NAV3: variants seen among roughly 807,000 people sequenced by gnomAD.
NAV3 encodes pore membrane and/or filament interacting like protein 1.
NAV3 carries 87 observed loss-of-function variants against 244.7 expected under a neutral mutation model. The ratio of observed to expected loss-of-function variants is 0.36; its 90% CI spans 0.30 to 0.42. The LOEUF is 0.42. NAV3 is among the 20% of genes least tolerant of loss of function. The pLI is 1.00. For missense variants in NAV3, 2,663 were observed against 2,893.3 expected, an observed-to-expected ratio of 0.92 and a Z score of 1.83; for synonymous variants, 1,126 against 1,042.2, an observed-to-expected ratio of 1.08 and a Z score of -1.55.
At chr12:77,579,872 C>T (rs988428488) in intron 2 of NAV3, among the ~76,000 whole-genome samples, 1 of 152,192 alleles carries the variant, frequency 6.6e-6, no homozygotes, top group African/African-American at 2.4e-5. Context: ...AATTACTCAA[C>T]TTCTGTCTTC....
intron 2 of NAV3, among the ~76,000 whole-genome samples, chr12:77,655,577 C>T (rs1428039975): frequency 3.9e-5 from 6 of 151,930 alleles, no homozygotes; most frequent in African/African-American, 9.7e-5. Flanking sequence ...CAAGGCAGGC[C>T]AACATTCAGA....
chr12:78,198,504 G>A (rs1959233150), intron 35 of NAV3, 101 bp from the exon 36 acceptor site: 3 of 616,964 alleles, frequency 4.9e-6, no homozygotes, highest in African/African-American at 3.9e-5. Flanking sequence ...ATATTGAAAT[G>A]GAATAATCCA....
chr12:78,202,850 G>A (rs1302259360), intron 38 of NAV3, among the ~76,000 whole-genome samples: 1 of 152,070 alleles, frequency 6.6e-6, no homozygotes, highest in Non-Finnish European at 1.5e-5. Context: ...GGAGCAAGAA[G>A]CAAAGGAATT....
intron 1 of NAV3, among the ~76,000 whole-genome samples, chr12:77,895,834 A>C (rs1015561327): frequency 1.3e-5 from 2 of 149,794 alleles, no homozygotes; most frequent in African/African-American, 4.9e-5. Context: ...CATGTTTCCC[A>C]GTCCTTTTCA....
chr12:78,050,682 C>A, intron 10 of NAV3, 82 bp from the exon 11 acceptor site: 1 of 1,435,450 alleles, frequency 7.0e-7, no homozygotes. Context: ...ACCCTCAACT[C>A]CAGCCTTTTC....
rs1310976805 is a variant in NAV3, at chr12:77,681,509, A to G, written c.72+109243A>G. On this transcript the variant is annotated intron_variant, in intron 2 of 8. Transcript: ENST00000550042. ...TACAAAAATGACTGTTTTCAGATTT[A>G]ATTTAAAAGAGAATCACACCTAGTT... Among the ~76,000 whole-genome samples, 5 of 152,336 alleles carry G rather than the reference A, an allele frequency of 3.3e-5. No homozygotes were observed. The South Asian group carries it at 1.0e-3, about 32-fold the overall frequency.
At chr12:78,058,949 T>A (rs1308507794) in intron 11 of NAV3, 47 bp from the exon 12 acceptor site, 2 of 1,532,144 alleles carry the variant, frequency 1.3e-6, no homozygotes, top group Non-Finnish European at 1.8e-6. Context: ...AATTGTACAG[T>A]TGAGTTGATT....
rs1259170528 is a variant in NAV3, at chr12:77,780,793, A to C, written c.73-159526A>C. Among the ~76,000 whole-genome samples the C allele has an allele frequency of 2.0e-5, 3 of 152,276 alleles. No individual in the cohort carries two copies. In the East Asian group the frequency reaches 5.8e-4, roughly 29 times the overall value. On this transcript the variant is annotated intron_variant, in intron 2 of 8. Transcript: ENST00000550042. ...ACATCGCAAAGGAGTAAGTTTTCTT[A>C]AGTAAGTTCTCTAAGAAAAGGGAGG...
chr12:77,744,025 C>T (rs1236639923), intron 2 of NAV3, among the ~76,000 whole-genome samples: 1 of 151,762 alleles, frequency 6.6e-6, no homozygotes, highest in Admixed American at 6.6e-5. Flanking sequence ...AGAGCTAAAA[C>T]AATACCAATA....
chr12:77,710,703 G>T (rs1876067341), intron 2 of NAV3, among the ~76,000 whole-genome samples: 1 of 152,088 alleles, frequency 6.6e-6, no homozygotes, highest in Non-Finnish European at 1.5e-5. Context: ...CACAGAAATG[G>T]ACTTGAGTAC....
chr12:77,764,782 C>T (rs118092136), intron 2 of NAV3, among the ~76,000 whole-genome samples: 399 of 152,286 alleles, frequency 2.6e-3, no homozygotes, highest in Non-Finnish European at 4.8e-3. Context: ...TAGCTAATTA[C>T]ATAAATTTTT....
intron 2 of NAV3, among the ~76,000 whole-genome samples, chr12:77,586,076 G>A (rs937581804): frequency 1.3e-5 from 2 of 151,966 alleles, no homozygotes; most frequent in African/African-American, 2.4e-5. Flanking sequence ...GCAGGAGAAT[G>A]GCGTGAACCC....
chr12:77,894,991 T>G (rs1884407138), intron 1 of NAV3, among the ~76,000 whole-genome samples: 2 of 152,212 alleles, frequency 1.3e-5, no homozygotes, highest in Admixed American at 1.3e-4. Context: ...GTATCCCTAT[T>G]TTCTTGACTT....
At chr12:78,041,816 A>C (rs1880905918) in intron 9 of NAV3, among the ~76,000 whole-genome samples, 1 of 152,236 alleles carries the variant, frequency 6.6e-6, no homozygotes, top group African/African-American at 2.4e-5. Context: ...AAGGAAGTAA[A>C]TTAACAGATT....
chr12:77,986,479 T>C (rs567120385), intron 5 of NAV3, among the ~76,000 whole-genome samples: 1 of 152,318 alleles, frequency 6.6e-6, no homozygotes, highest in Non-Finnish European at 1.5e-5. Flanking sequence ...CTGAGATTTT[T>C]TGTAAGAAGC....
intron 5 of NAV3, among the ~76,000 whole-genome samples, chr12:77,976,916 C>G (rs1407058140): frequency 1.3e-5 from 2 of 152,014 alleles, no homozygotes; most frequent in Non-Finnish European, 2.9e-5. Context: ...ACCTCATGAT[C>G]TGCCTGCCTC....
intron 2 of NAV3, among the ~76,000 whole-genome samples, chr12:77,724,456 T>C (rs543081184): frequency 6.6e-6 from 1 of 152,038 alleles, no homozygotes; most frequent in East Asian, 1.9e-4. Flanking sequence ...TTAGGCCACT[T>C]TGGGGGGATT....
At chr12:77,932,014 C>T (rs1565932607) in intron 1 of NAV3, among the ~76,000 whole-genome samples, 1 of 151,924 alleles carries the variant, frequency 6.6e-6, no homozygotes. Flanking sequence ...CACTGGGTAC[C>T]ATGAGTGTCA....
chr12:77,791,707 G>T (rs948681314), intron 2 of NAV3, among the ~76,000 whole-genome samples: 5 of 152,104 alleles, frequency 3.3e-5, no homozygotes, highest in African/African-American at 1.2e-4. Context: ...CATATCCAAG[G>T]ACTCCCCATT....
Sources: allele counts gnomAD v4.1 joint callset (sites outside exome capture counted in the v4.1 genomes callset), GRCh38; gene constraint gnomAD v4.1.1; transcripts MANE v1.5; gene names NCBI Gene and HGNC (gene_info 2026-07-23, HGNC 2026-07-21).